The following ABI2 variants were observed in gnomAD, a reference collection of about 807,000 sequenced individuals.
The protein encoded by ABI2 is abelson interactor 2.
In ABI2, 25 loss-of-function variants were observed where a neutral mutation model predicts 59.2. That is an observed-to-expected ratio of 0.42 (90% confidence interval 0.31 to 0.59). The LOEUF is 0.59. ABI2 is among the 20% of genes least tolerant of loss of function. The probability of loss-of-function intolerance (pLI) is 0.14; values close to 1 mark genes in which losing one functional copy is unlikely to be tolerated. For missense variants in ABI2, 545 were observed against 681.8 expected, an observed-to-expected ratio of 0.80 and a Z score of 2.23; for synonymous variants, 213 against 235.5, an observed-to-expected ratio of 0.90 and a Z score of 0.87.
chr2:203,404,652 G>C (rs1480276379), intron 9 of ABI2, among the ~76,000 whole-genome samples: 1 of 152,016 alleles, frequency 6.6e-6, no homozygotes, highest in Non-Finnish European at 1.5e-5. Flanking sequence ...TCTACCTCCC[G>C]GGTTCAAGCG....
chr2:203,342,451 GGAAGCCAAC>G (rs2080526494), intron 1 of ABI2, among the ~76,000 whole-genome samples: 1 of 152,066 alleles, frequency 6.6e-6, no homozygotes, highest in Non-Finnish European at 1.5e-5. Flanking sequence ...GTTGAATAGG[GGAAGCCAAC>G]AAGGGATGCC....
At chr2:203,382,769 G>T (rs2096219641) in intron 4 of ABI2, among the ~76,000 whole-genome samples, 1 of 151,460 alleles carries the variant, frequency 6.6e-6, no homozygotes, top group Admixed American at 6.6e-5. Context: ...TTAAGTTGCA[G>T]TATCATATTT....
intron 1 of ABI2, among the ~76,000 whole-genome samples, chr2:203,338,753 A>T (rs573275384): frequency 1.1e-4 from 16 of 151,446 alleles, no homozygotes; most frequent in African/African-American, 3.6e-4. Context: ...TATAAATATG[A>T]CACCAAAAGC....
intron 8 of ABI2, among the ~76,000 whole-genome samples, chr2:203,401,246 C>G (rs1479609474): frequency 6.6e-6 from 1 of 151,396 alleles, no homozygotes; most frequent in Admixed American, 6.6e-5. Flanking sequence ...TTCTCTTTCT[C>G]CTTTCCTTTC....
chr2:203,368,731 C>G (rs1003116506), intron 2 of ABI2, among the ~76,000 whole-genome samples: 1 of 151,504 alleles, frequency 6.6e-6, no homozygotes, highest in African/African-American at 2.4e-5. Context: ...AAAATTGGTG[C>G]GTTTTAATGA....
In ABI2 at chr2:203,391,203, C is replaced by T. The variant is rs940236510; in HGVS notation, c.578+60C>T. On this transcript the variant is annotated intron_variant, in intron 5 of 11. Transcript: ENST00000261018. The stretch of plus-strand genomic sequence containing the variant: ...TGTAGTATTGTTTAAAAATGAAGCA[C>T]AACATATTTAAATTATTTTTTGAAT... 5 of 1,154,564 alleles carry T rather than the reference C, an allele frequency of 4.3e-6. No individual in the cohort carries two copies. The South Asian group carries it at 6.8e-5, about 16-fold the overall frequency. 71.5% of individuals were successfully genotyped at this position (1,154,564 alleles called of 1,614,324 possible).
chr2:203,411,414 A>G, intron 10 of ABI2, 43 bp downstream of exon 10: 4 of 1,457,276 alleles, frequency 2.7e-6, no homozygotes, highest in Non-Finnish European at 1.9e-6. Context: ...GATTGTAGGC[A>G]TAAAATGTCA....
intron 1 of ABI2, among the ~76,000 whole-genome samples, chr2:203,360,617 A>T (rs1559215436): frequency 6.6e-6 from 1 of 152,240 alleles, no homozygotes; most frequent in Non-Finnish European, 1.5e-5. Flanking sequence ...TTTAGATACC[A>T]GGAATGACCT....
intron 1 of ABI2, among the ~76,000 whole-genome samples, chr2:203,365,175 G>C (rs2094229834): frequency 6.6e-6 from 1 of 152,084 alleles, no homozygotes. Context: ...TCATTTTGGA[G>C]CTTACTTTTT....
rs13415818 is a variant in ABI2 at position 203,336,104 on chromosome 2, C to A, written c.117+7473C>A. Among the ~76,000 whole-genome samples, 558 of 152,260 alleles carry A rather than the reference C, an allele frequency of 3.7e-3. 5 individuals carry two copies. The highest frequency in any genetic ancestry group is 0.012 in the African/African-American group (515 of 41,540). ...TAGAAGTCCTAATACATTTGAAAAT[C>A]ATCAGTGTTATTGTGTTTTGTCAGT... is the stretch of plus-strand genomic sequence containing the variant. On this transcript the variant is annotated intron_variant, in intron 1 of 11. Coordinates refer to ENST00000261018, the MANE Select transcript of ABI2 (RefSeq NM_001375670.1).
intron 11 of ABI2, among the ~76,000 whole-genome samples, chr2:203,424,502 C>G (rs920151550): frequency 6.6e-6 from 1 of 152,126 alleles, no homozygotes; most frequent in Non-Finnish European, 1.5e-5. Context: ...TCAAGCGATC[C>G]TCCTGCTTCA....
In ABI2 at chr2:203,429,880, G is replaced by C. The variant is rs892727173; in HGVS notation, c.*2528G>C. ...TCTTTTGGACCCCTACGGGATGGGGGCAGTGCAGAAGACACTGGTGAAGTC... is the reference window on the plus strand; with the variant it reads ...TCTTTTGGACCCCTACGGGATGGGGCCAGTGCAGAAGACACTGGTGAAGTC... On this transcript the variant is annotated 3_prime_UTR_variant, in exon 12 of 12. Coordinates refer to ENST00000261018, the MANE Select transcript of ABI2 (RefSeq NM_001375670.1). 6.6e-6 allele frequency: 1 copy of C among 152,282 alleles called. No homozygotes were observed. The highest frequency in any genetic ancestry group is 2.4e-5 in the African/African-American group (1 of 41,440). The allele number at this position is 152,282 out of a possible 1,614,324, so 9.4% of individuals were successfully genotyped here.
At chr2:203,344,853 G>A (rs569117275) in intron 1 of ABI2, among the ~76,000 whole-genome samples, 2 of 152,240 alleles carry the variant, frequency 1.3e-5, no homozygotes, top group South Asian at 2.1e-4. Flanking sequence ...ACCAGTCAGC[G>A]CTCTGTGTCT....
chr2:203,367,796 A>C (rs2094603304), intron 2 of ABI2, among the ~76,000 whole-genome samples: 1 of 151,838 alleles, frequency 6.6e-6, no homozygotes, highest in African/African-American at 2.4e-5. Flanking sequence ...TCAGCCCAGG[A>C]GTTCCAGACC....
chr2:203,390,919 T>C, intron 4 of ABI2, 127 bp from the exon 5 acceptor site: 2 of 692,020 alleles, frequency 2.9e-6, no homozygotes, highest in Non-Finnish European at 5.2e-6. Flanking sequence ...ATGAAATGCA[T>C]GGCCTCTAAT....
chr2:203,386,286 CTCT>C (rs952793595), intron 4 of ABI2, among the ~76,000 whole-genome samples: 3 of 151,954 alleles, frequency 2.0e-5, no homozygotes, highest in South Asian at 2.1e-4. Context: ...TGTTTAAATT[CTCT>C]TTTCTTTTTT....
intron 1 of ABI2, among the ~76,000 whole-genome samples, chr2:203,350,812 A>G (rs947521023): frequency 6.6e-6 from 1 of 151,748 alleles, no homozygotes; most frequent in Non-Finnish European, 1.5e-5. Flanking sequence ...TGCTGGGATT[A>G]TAGGCATGAG....
intron 1 of ABI2, among the ~76,000 whole-genome samples, chr2:203,336,529 A>C (rs1180308528): frequency 1.3e-5 from 2 of 152,116 alleles, no homozygotes; most frequent in Non-Finnish European, 2.9e-5. Flanking sequence ...GTGCCTCATC[A>C]CCTCCTAGTT....
intron 1 of ABI2, among the ~76,000 whole-genome samples, chr2:203,352,509 G>T (rs1035625529): frequency 1.3e-5 from 2 of 151,638 alleles, no homozygotes; most frequent in African/African-American, 4.8e-5. Context: ...TGATGATCCT[G>T]ACCCTGTGTA....
Sources: gnomAD v4.1 joint callset for allele counts (sites outside exome capture counted in the v4.1 genomes callset) on GRCh38, gnomAD v4.1.1 for gene constraint, MANE v1.5 for transcripts, NCBI Gene and HGNC (gene_info 2026-07-23, HGNC 2026-07-21) for gene names.